The following ACYP2 variants were observed in gnomAD, a reference collection of about 807,000 sequenced individuals.
ACYP2 encodes acylphosphatase-2.
In ACYP2, 12 loss-of-function variants were observed where a neutral mutation model predicts 11.2. That is an observed-to-expected ratio of 1.08 (90% CI 0.69 to 1.74). ACYP2 has a LOEUF of 1.74. Among genes scored for constraint, ACYP2 ranks in the 40% most tolerant of loss-of-function variants. The pLI is 0.00. For missense variants in ACYP2, 134 were observed against 101.9 expected (o/e 1.31, Z -1.35); for synonymous variants, 43 against 32.2 (o/e 1.33, Z -1.13).
chr2:54,004,439 C>T (rs1672953421), intron 2 of ACYP2, among the ~76,000 whole-genome samples: 1 of 118,862 alleles, frequency 8.4e-6, no homozygotes, highest in African/African-American at 3.3e-5. Flanking sequence ...GAGACAGAGT[C>T]TCGCTCTATC....
At chr2:54,118,991 G>C (rs1237505399) in intron 4 of ACYP2, among the ~76,000 whole-genome samples, 2 of 151,180 alleles carry the variant, frequency 1.3e-5, no homozygotes, top group Admixed American at 1.3e-4. Flanking sequence ...TGAGGCGTGG[G>C]GAAGTAACTT....
intron 2 of ACYP2, among the ~76,000 whole-genome samples, chr2:54,012,356 A>G (rs1673421429): frequency 6.6e-6 from 1 of 152,166 alleles, no homozygotes; most frequent in African/African-American, 2.4e-5. Context: ...CTAAATAAAT[A>G]AATAATAAAC....
intron 4 of ACYP2, among the ~76,000 whole-genome samples, chr2:54,113,759 C>G (rs1464479890): frequency 2.0e-5 from 3 of 152,004 alleles, no homozygotes; most frequent in South Asian, 2.1e-4. Context: ...AGAAGAGGTT[C>G]TTTGTTTTAA....
intron 2 of ACYP2, among the ~76,000 whole-genome samples, chr2:54,047,591 G>T (rs1352471515): frequency 6.6e-6 from 1 of 152,150 alleles, no homozygotes; most frequent in Non-Finnish European, 1.5e-5. Context: ...TTAGAATATG[G>T]TTTGGGCTAA....
intron 6 of ACYP2, among the ~76,000 whole-genome samples, chr2:54,162,096 A>G (rs913854928): frequency 9.9e-5 from 15 of 152,136 alleles, no homozygotes; most frequent in Non-Finnish European, 1.6e-4. Context: ...GGCCTCAGAG[A>G]GTCATTTCTC....
At position 54,115,463 on chromosome 2, in the gene ACYP2, G is replaced by C. The variant is rs1190764874; in HGVS notation, c.278-19990G>C. The C allele has an allele frequency of 3.6e-6, 4 of 1,107,386 alleles. No individual in the cohort carries two copies. The African/African-American group carries it at 6.5e-5, about 18-fold the overall frequency. 68.6% of individuals were successfully genotyped at this position (1,107,386 alleles called of 1,614,324 possible). On this transcript the variant is annotated intron_variant, in intron 4 of 6. Transcript: ENST00000607452. Reference sequence around the variant, plus strand: ...TCCCCAGTCCGGGAAGAGAGGCCTAGGATGCCTGGGGCCCAGCGGCCTCTT... The same window carrying C: ...TCCCCAGTCCGGGAAGAGAGGCCTACGATGCCTGGGGCCCAGCGGCCTCTT...
rs182603189 is a variant in ACYP2, at chr2:54,137,478, C to T, written c.295-1161C>T. Among the ~76,000 whole-genome samples the T allele has an allele frequency of 2.1e-3, 318 of 152,262 alleles. 3 individuals are homozygous for T. Among genetic ancestry groups the T allele is most frequent in the African/African-American group, 7.2e-3 (299 of 41,540 alleles). On this transcript the variant is annotated intron_variant, in intron 5 of 6. Transcript: ENST00000607452. ...GCCCCAGTGTCTGTTGTTCCCCTCTCTGTGTCCATGTATTCTCATAATTTA... is the reference window on the plus strand; with the variant it reads ...GCCCCAGTGTCTGTTGTTCCCCTCTTTGTGTCCATGTATTCTCATAATTTA...
chr2:54,284,008 G>A (rs1688963659), intron 6 of ACYP2, among the ~76,000 whole-genome samples: 1 of 152,202 alleles, frequency 6.6e-6, no homozygotes, highest in Non-Finnish European at 1.5e-5. Flanking sequence ...CTACTCTGGA[G>A]GCTGAGGCAG....
intron 2 of ACYP2, among the ~76,000 whole-genome samples, chr2:53,997,171 C>T (rs1302561752): frequency 6.6e-6 from 1 of 152,136 alleles, no homozygotes; most frequent in Non-Finnish European, 1.5e-5. Flanking sequence ...AAAACCAAAC[C>T]TATCTTTGAA....
intron 4 of ACYP2, among the ~76,000 whole-genome samples, chr2:54,129,633 A>G (rs1277200541): frequency 6.7e-6 from 1 of 149,890 alleles, no homozygotes. Context: ...ATGGAGATAT[A>G]TGTGAGCATT....
chr2:54,037,172 G>T (rs1203466692), intron 2 of ACYP2, among the ~76,000 whole-genome samples: 1 of 152,144 alleles, frequency 6.6e-6, no homozygotes, highest in East Asian at 1.9e-4. Flanking sequence ...GAGTGCAGTG[G>T]TGCAATCTTG....
chr2:54,138,877 C>T, intron 6 of ACYP2, 129 bp downstream of exon 3: 2 of 709,300 alleles, frequency 2.8e-6, no homozygotes, highest in Non-Finnish European at 4.7e-6. Context: ...ACTACAACCT[C>T]TGCCTTCCAG....
At chr2:54,261,782 G>A (rs756670464) in intron 6 of ACYP2, among the ~76,000 whole-genome samples, 12 of 152,156 alleles carry the variant, frequency 7.9e-5, no homozygotes, top group Non-Finnish European at 1.3e-4. Context: ...TGTTACTTTC[G>A]TAAGATTCAA....
intron 4 of ACYP2, among the ~76,000 whole-genome samples, chr2:54,076,550 A>G (rs1677353988): frequency 6.6e-6 from 1 of 152,254 alleles, no homozygotes; most frequent in African/African-American, 2.4e-5. Flanking sequence ...AGGCATCACA[A>G]AATATTGAAT....
intron 4 of ACYP2, among the ~76,000 whole-genome samples, chr2:54,110,158 A>G (rs1015490693): frequency 6.6e-6 from 1 of 152,162 alleles, no homozygotes; most frequent in Non-Finnish European, 1.5e-5. Context: ...CACACACAAA[A>G]TTAGAGAATA....
chr2:54,146,058 G>A (rs1478220578), intron 6 of ACYP2, among the ~76,000 whole-genome samples: 2 of 152,208 alleles, frequency 1.3e-5, no homozygotes, highest in African/African-American at 4.8e-5. Flanking sequence ...AAGGAAAGGT[G>A]CATGAGAGGC....
chr2:54,075,947 A>G (rs1558511318), intron 4 of ACYP2, among the ~76,000 whole-genome samples: 1 of 152,172 alleles, frequency 6.6e-6, no homozygotes, highest in South Asian at 2.1e-4. Flanking sequence ...ATTAATCTTT[A>G]TATTTTATGA....
intron 6 of ACYP2, among the ~76,000 whole-genome samples, chr2:54,199,016 T>C (rs895976565): frequency 1.3e-5 from 2 of 152,214 alleles, no homozygotes; most frequent in Non-Finnish European, 2.9e-5. Flanking sequence ...GCATGGGTGC[T>C]AGGTTAACAC....
At chr2:54,184,419 G>C (rs1572902459) in intron 6 of ACYP2, among the ~76,000 whole-genome samples, 1 of 152,050 alleles carries the variant, frequency 6.6e-6, no homozygotes. Flanking sequence ...GCCCCAAGCA[G>C]CAGACCTCTT....
Sources: allele counts gnomAD v4.1 joint callset (sites outside exome capture counted in the v4.1 genomes callset), GRCh38; gene constraint gnomAD v4.1.1; transcripts MANE v1.5; gene names NCBI Gene and HGNC (gene_info 2026-07-23, HGNC 2026-07-21).